The following PPFIBP2 variants were observed in gnomAD, a reference collection of about 807,000 sequenced individuals.
The protein encoded by PPFIBP2 is PPFIB scaffold protein 2.
In PPFIBP2, 118 loss-of-function variants were observed where a neutral mutation model predicts 118.3. The ratio of observed to expected loss-of-function variants is 1.00; its 90% CI spans 0.86 to 1.16. The LOEUF (loss-of-function observed/expected upper bound fraction) is 1.16, where lower values mean the gene tolerates loss of function less well. PPFIBP2 is among the 50% of genes most tolerant of loss of function. PPFIBP2 has a pLI of 0.00. For synonymous variants in PPFIBP2, 414 were observed against 397.4 expected (o/e 1.04, Z -0.50); for missense variants, 1,195 against 1,073.1 (o/e 1.11, Z -1.59).
chr11:7,615,230 G>A (rs1434056265), intron 6 of PPFIBP2, among the ~76,000 whole-genome samples: 1 of 151,982 alleles, frequency 6.6e-6, no homozygotes, highest in African/African-American at 2.4e-5. Context: ...CAGCTACTTG[G>A]GAGACTGAGA....
At chr11:7,545,517 T>C (rs1439770475) in intron 1 of PPFIBP2, among the ~76,000 whole-genome samples, 2 of 152,208 alleles carry the variant, frequency 1.3e-5, no homozygotes, top group Non-Finnish European at 2.9e-5. Context: ...TTATTACTAA[T>C]TATTGTTAAT....
intron 3 of PPFIBP2, among the ~76,000 whole-genome samples, chr11:7,583,778 A>G (rs956250313): frequency 1.3e-5 from 2 of 152,196 alleles, no homozygotes; most frequent in African/African-American, 4.8e-5. Flanking sequence ...GCTGATGGCC[A>G]GTTTATCTTC....
At chr11:7,584,651 A>G (rs1358174309) in intron 3 of PPFIBP2, among the ~76,000 whole-genome samples, 1 of 152,140 alleles carries the variant, frequency 6.6e-6, no homozygotes, top group East Asian at 1.9e-4. Flanking sequence ...ACCTGCCTAC[A>G]CTCATACTAC....
intron 1 of PPFIBP2, among the ~76,000 whole-genome samples, chr11:7,517,269 T>C (rs922313025): frequency 3.3e-5 from 5 of 152,154 alleles, no homozygotes; most frequent in Admixed American, 6.5e-5. Flanking sequence ...TTCAGCTTTT[T>C]GGGAGGTGGT....
At chr11:7,638,997 G>A (rs1851785661) in intron 14 of PPFIBP2, among the ~76,000 whole-genome samples, 1 of 152,198 alleles carries the variant, frequency 6.6e-6, no homozygotes, top group African/African-American at 2.4e-5. Flanking sequence ...CCAAGGGTGT[G>A]TGTGTATCTT....
At chr11:7,527,329 G>A (rs1367597467) in intron 1 of PPFIBP2, among the ~76,000 whole-genome samples, 8 of 152,032 alleles carry the variant, frequency 5.3e-5, no homozygotes, top group Admixed American at 3.9e-4. Flanking sequence ...GGCAGGGAAG[G>A]AGTCTGGCAA....
At chr11:7,553,947 A>G (rs985055867) in intron 2 of PPFIBP2, among the ~76,000 whole-genome samples, 1 of 152,130 alleles carries the variant, frequency 6.6e-6, no homozygotes, top group African/African-American at 2.4e-5. Flanking sequence ...CCTAAGCCAG[A>G]GTGGTTTTGT....
intron 1 of PPFIBP2, among the ~76,000 whole-genome samples, chr11:7,542,329 G>A (rs1401662992): frequency 1.3e-5 from 2 of 152,238 alleles, no homozygotes; most frequent in African/African-American, 2.4e-5. Flanking sequence ...AGAGGAGACA[G>A]ATGCCGCATT....
At chr11:7,646,837 T>C (rs564895282) in intron 17 of PPFIBP2, among the ~76,000 whole-genome samples, 188 of 152,358 alleles carry the variant, frequency 1.2e-3, no homozygotes, top group African/African-American at 4.4e-3. Flanking sequence ...CAAGATTTTA[T>C]ATAATGAAAT....
At chr11:7,563,222 G>T (rs1345946548) in intron 2 of PPFIBP2, among the ~76,000 whole-genome samples, 1 of 152,018 alleles carries the variant, frequency 6.6e-6, no homozygotes, top group Non-Finnish European at 1.5e-5. Flanking sequence ...AAACTGGATG[G>T]CTACGTGTTT....
At chr11:7,619,182 G>A (rs1410199433) in intron 6 of PPFIBP2, among the ~76,000 whole-genome samples, 1 of 152,170 alleles carries the variant, frequency 6.6e-6, no homozygotes, top group Non-Finnish European at 1.5e-5. Flanking sequence ...GCTATTAGCT[G>A]TCATACAAAT....
chr11:7,562,591 G>A (rs975359201), intron 2 of PPFIBP2, among the ~76,000 whole-genome samples: 1 of 152,092 alleles, frequency 6.6e-6, no homozygotes, highest in Non-Finnish European at 1.5e-5. Flanking sequence ...CTTCTTGGAG[G>A]CTGGTTATCA....
intron 6 of PPFIBP2, among the ~76,000 whole-genome samples, chr11:7,611,005 A>G (rs1848007706): frequency 6.6e-6 from 1 of 152,210 alleles, no homozygotes; most frequent in East Asian, 1.9e-4. Flanking sequence ...TGTTTAGAGA[A>G]TTTTACACTC....
intron 14 of PPFIBP2, 152 bp downstream of exon 14, chr11:7,635,745 A>T: frequency 1.4e-6 from 1 of 724,596 alleles, no homozygotes; most frequent in Non-Finnish European, 2.4e-6. Context: ...CTCCCATTTT[A>T]TTTTTATGTG....
intron 3 of PPFIBP2, among the ~76,000 whole-genome samples, chr11:7,578,606 A>C (rs982362476): frequency 6.6e-6 from 1 of 152,212 alleles, no homozygotes; most frequent in Non-Finnish European, 1.5e-5. Flanking sequence ...CTTCTACCTA[A>C]TACTGGAGAT....
At chr11:7,545,118 C>T (rs1034994866) in intron 1 of PPFIBP2, among the ~76,000 whole-genome samples, 9 of 152,066 alleles carry the variant, frequency 5.9e-5, no homozygotes, top group Non-Finnish European at 1.0e-4. Flanking sequence ...CCCAAGGTAC[C>T]GTCCAGTAAG....
At chr11:7,628,416 T>A in intron 9 of PPFIBP2, 70 bp downstream of exon 9, 2 of 1,367,204 alleles carry the variant, frequency 1.5e-6, no homozygotes, top group Non-Finnish European at 2.1e-6. Flanking sequence ...TCCCTGCTGG[T>A]CTCTGATATT....
At chr11:7,548,522 A>G (rs1852584666) in intron 1 of PPFIBP2, 1 of 152,380 alleles carries the variant, frequency 6.6e-6, no homozygotes, top group South Asian at 2.1e-4. Flanking sequence ...TCTTGGGATT[A>G]CAAGTGCTAT....
chr11:7,628,464 G>A, intron 9 of PPFIBP2, 118 bp downstream of exon 9: 1 of 920,186 alleles, frequency 1.1e-6, no homozygotes, highest in Non-Finnish European at 1.7e-6. Context: ...TTGACATAGG[G>A]ATATGTCAGG....
Sources: gnomAD v4.1 joint callset for allele counts (sites outside exome capture counted in the v4.1 genomes callset) on GRCh38, gnomAD v4.1.1 for gene constraint, MANE v1.5 for transcripts, NCBI Gene and HGNC (gene_info 2026-07-23, HGNC 2026-07-21) for gene names.